The following SDHC variants were observed in gnomAD, a reference collection of about 807,000 sequenced individuals.
SDHC encodes the protein succinate dehydrogenase cytochrome b560 subunit, mitochondrial.
Under a neutral mutation model 22.6 loss-of-function variants are expected in SDHC, and 11 were observed. The ratio of observed to expected loss-of-function variants is 0.49; its 90% confidence interval spans 0.31 to 0.81. SDHC has a LOEUF of 0.81. SDHC is among the 30% of genes least tolerant of loss of function. The probability of loss-of-function intolerance (pLI) is 0.05; values close to 1 mark genes in which losing one functional copy is unlikely to be tolerated. For missense variants in SDHC, 160 were observed against 212.0 expected (o/e 0.75, Z 1.52); for synonymous variants, 80 against 77.8 (o/e 1.03, Z -0.15).
intron 1 of SDHC, among the ~76,000 whole-genome samples, chr1:161,315,864 A>C (rs1021226366): frequency 2.0e-5 from 3 of 152,092 alleles, no homozygotes; most frequent in Non-Finnish European, 4.4e-5. Flanking sequence ...CCGGCCTCTG[A>C]GTTCCCTTAG....
intron 1 of SDHC, among the ~76,000 whole-genome samples, chr1:161,316,792 T>C (rs1041160688): frequency 3.9e-5 from 6 of 152,294 alleles, no homozygotes; most frequent in Admixed American, 3.9e-4. Context: ...GATTTGGAAC[T>C]GTTTATAATG....
intron 5 of SDHC, among the ~76,000 whole-genome samples, chr1:161,357,675 A>G (rs746132918): frequency 6.6e-6 from 1 of 152,206 alleles, no homozygotes; most frequent in Non-Finnish European, 1.5e-5. Context: ...CTAGGATTAC[A>G]GACGTGAGCC....
rs553252366 is a variant in SDHC, at chr1:161,338,214, A to G, written c.180-2380A>G. On this transcript the variant is annotated intron_variant, in intron 3 of 5. Transcript: ENST00000367975. ...CAGAGTGGTATGTGGCTCTTCTTCC[A>G]CCTTTTATATTTCTCTTGTTAAATC... 2.0e-5 allele frequency among the ~76,000 whole-genome samples: 3 copies of G among 151,616 alleles called. No individual in the cohort carries two copies. In the South Asian group the frequency reaches 6.3e-4, roughly 32 times the overall value.
chr1:161,349,560 C>A (rs1198766888), intron 4 of SDHC, among the ~76,000 whole-genome samples: 2 of 152,196 alleles, frequency 1.3e-5, no homozygotes, highest in Non-Finnish European at 2.9e-5. Flanking sequence ...TGTAGGCAAA[C>A]CTGCTGCTCA....
chr1:161,336,939 G>A (rs1388062824), intron 3 of SDHC, among the ~76,000 whole-genome samples: 2 of 151,846 alleles, frequency 1.3e-5, no homozygotes, highest in African/African-American at 4.8e-5. Context: ...GCGTGATCAC[G>A]GCTTGCTGCA....
chr1:161,356,928 T>G, intron 5 of SDHC, 88 bp downstream of exon 5: 4 of 1,379,104 alleles, frequency 2.9e-6, no homozygotes, highest in Admixed American at 1.9e-5. Context: ...GGTTTAGTGC[T>G]GTTCTTTTTT....
At position 161,320,828 on chromosome 1, in the gene SDHC, A is replaced by ATTTT. The variant is rs71270444; in HGVS notation, c.21-2772_21-2769dup. Among the ~76,000 whole-genome samples, 101 of 127,654 alleles carry ATTTT rather than the reference A, an allele frequency of 7.9e-4. 7 individuals carry two copies. The highest frequency in any genetic ancestry group is 2.8e-3 in the South Asian group (11 of 3,964). 83.7% of individuals were successfully genotyped at this position (127,654 alleles called of 152,430 possible). On this transcript the variant is annotated intron_variant, in intron 1 of 5. Transcript: ENST00000367975. Reference sequence around the variant, plus strand: ...AACTTATTCTAAGACTTCAGTCTTGATTTTTTTTTTTTTTTTTGAGATGGA... The same window carrying ATTTT: ...AACTTATTCTAAGACTTCAGTCTTGATTTTTTTTTTTTTTTTTTTTTGAGATGGA...
At chr1:161,356,003 A>G (rs963178892) in intron 4 of SDHC, among the ~76,000 whole-genome samples, 4 of 150,202 alleles carry the variant, frequency 2.7e-5, no homozygotes, top group East Asian at 2.0e-4. Flanking sequence ...AAAAAAAAAA[A>G]AGAGAACCTA....
At chr1:161,317,550 G>GTTTTTTT (rs34457815) in intron 1 of SDHC, among the ~76,000 whole-genome samples, 1 of 59,892 alleles carries the variant, frequency 1.7e-5, no homozygotes, top group African/African-American at 9.9e-5. Flanking sequence ...TGTGTGTGTG[G>GTTTTTTT]TTTTTTTTTT....
intron 3 of SDHC, chr1:161,339,520 G>T (rs558684137): frequency 1.7e-6 from 2 of 1,161,884 alleles, no homozygotes; most frequent in African/African-American, 1.6e-5. Context: ...GTTTCTCCTT[G>T]CGAAAGGAGT....
chr1:161,336,663 G>A lies in SDHC; in HGVS notation c.180-3931G>A, dbSNP rs1363127645. Among the ~76,000 whole-genome samples, 5 of 152,136 alleles carry A rather than the reference G, an allele frequency of 3.3e-5. No individual in the cohort carries two copies. In the East Asian group the frequency reaches 9.6e-4, roughly 29 times the overall value. On this transcript the variant is annotated intron_variant, in intron 3 of 5. Coordinates refer to ENST00000367975, the MANE Select transcript of SDHC (RefSeq NM_003001.5). ...TACTTGGGGGGAAAAAAGCAGCAGG[G>A]AACACGGGGCTATATCCAGAGTGGC... is the stretch of plus-strand genomic sequence containing the variant.
chr1:161,344,956 C>G (rs1671843017), intron 4 of SDHC, among the ~76,000 whole-genome samples: 2 of 152,282 alleles, frequency 1.3e-5, no homozygotes, highest in African/African-American at 4.8e-5. Context: ...TCTTGTGGCC[C>G]TAGTCCCATC....
chr1:161,359,376 T>G (rs544967539), intron 5 of SDHC, among the ~76,000 whole-genome samples: 45 of 152,348 alleles, frequency 3.0e-4, no homozygotes, highest in African/African-American at 9.6e-4. Context: ...GTATCAACTG[T>G]TCCCTGGGGC....
chr1:161,317,526 GT>G (rs1486606724), intron 1 of SDHC, among the ~76,000 whole-genome samples: 1 of 118,530 alleles, frequency 8.4e-6, no homozygotes, highest in East Asian at 2.5e-4. Flanking sequence ...CAATGCCTTG[GT>G]TTTGTGTGTG....
chr1:161,348,348 G>A (rs1295939888), intron 4 of SDHC, among the ~76,000 whole-genome samples: 1 of 151,398 alleles, frequency 6.6e-6, no homozygotes, highest in South Asian at 2.1e-4. Context: ...TAGTAGAGAC[G>A]GGATTTCACC....
At chr1:161,329,417 T>C (rs1485011138) in intron 3 of SDHC, among the ~76,000 whole-genome samples, 1 of 152,134 alleles carries the variant, frequency 6.6e-6, no homozygotes, top group South Asian at 2.1e-4. Context: ...CCGCAACCCC[T>C]ACCTCCTGAG....
chr1:161,339,670 T>TG (rs1671644269), intron 3 of SDHC: 1 of 324,560 alleles, frequency 3.1e-6, no homozygotes, highest in African/African-American at 3.0e-5. Context: ...GTGTTTTTTT[T>TG]TTTTTTTTTT....
chr1:161,355,211 T>A (rs1672229205), intron 4 of SDHC, among the ~76,000 whole-genome samples: 1 of 152,228 alleles, frequency 6.6e-6, no homozygotes, highest in African/African-American at 2.4e-5. Flanking sequence ...GGTTTTGATT[T>A]GCATTTGTCT....
intron 1 of SDHC, among the ~76,000 whole-genome samples, chr1:161,317,621 G>A (rs1670672517): frequency 7.0e-6 from 1 of 143,866 alleles, no homozygotes; most frequent in East Asian, 2.1e-4. Context: ...GAGTGCAGTG[G>A]CGCAATCTCA....
Sources: gnomAD v4.1 joint callset for allele counts (sites outside exome capture counted in the v4.1 genomes callset) on GRCh38, gnomAD v4.1.1 for gene constraint, MANE v1.5 for transcripts, NCBI Gene and HGNC (gene_info 2026-07-23, HGNC 2026-07-21) for gene names.